The following PRKD1 variants were observed in gnomAD, a reference collection of about 807,000 sequenced individuals.
PRKD1 encodes serine/threonine-protein kinase D1.
In PRKD1, 63 loss-of-function variants were observed where a neutral mutation model predicts 95.9. That is an observed-to-expected ratio of 0.66 (90% confidence interval 0.54 to 0.81). The LOEUF (loss-of-function observed/expected upper bound fraction) is 0.81. Ranked by LOEUF, PRKD1 falls within the 30% of genes least tolerant of loss-of-function variation. The probability of loss-of-function intolerance (pLI) is 0.00; values close to 1 mark genes in which losing one functional copy is unlikely to be tolerated. For missense variants in PRKD1, 1,048 were observed against 1,165.3 expected, an observed-to-expected ratio of 0.90 and a Z score of 1.47; for synonymous variants, 425 against 423.1, an observed-to-expected ratio of 1.00 and a Z score of -0.05.
intron 2 of PRKD1, among the ~76,000 whole-genome samples, chr14:29,712,036 G>A (rs192846430): frequency 1.3e-5 from 2 of 152,242 alleles, no homozygotes; most frequent in Admixed American, 1.3e-4. Context: ...CAAAGCAATT[G>A]CAAACTATCC....
At chr14:29,872,713 T>C (rs1325206732) in intron 1 of PRKD1, among the ~76,000 whole-genome samples, 2 of 152,042 alleles carry the variant, frequency 1.3e-5, no homozygotes, top group Admixed American at 1.3e-4. Context: ...CTTTTCTTTC[T>C]TGCCCTTTAG....
Position 29,880,417 on chromosome 14 carries a change from C to T in PRKD1, c.264+46832G>A, listed in dbSNP as rs548984598. On this transcript the variant is annotated intron_variant, in intron 1 of 17. Transcript: ENST00000331968. ...TCAAGAACTGAGCTTTGGGAACCTC[C>T]GCCTAGATTTCAGAAGATGTATAGA... Among the ~76,000 whole-genome samples the T allele has an allele frequency of 2.6e-5, 4 of 152,260 alleles. No individual in the cohort carries two copies. The East Asian group carries it at 7.7e-4, about 29-fold the overall frequency.
At chr14:29,720,710 G>A (rs920465185) in intron 2 of PRKD1, among the ~76,000 whole-genome samples, 8 of 151,828 alleles carry the variant, frequency 5.3e-5, no homozygotes, top group African/African-American at 1.5e-4. Flanking sequence ...AACCCGGGAG[G>A]TGGAGGTTGC....
intron 1 of PRKD1, among the ~76,000 whole-genome samples, chr14:29,781,355 C>T (rs1437375276): frequency 2.0e-5 from 3 of 152,118 alleles, no homozygotes; most frequent in African/African-American, 2.4e-5. Context: ...CTATAAACAA[C>T]GTCTCAAATT....
intron 3 of PRKD1, among the ~76,000 whole-genome samples, 189 bp from the exon 4 acceptor site, chr14:29,664,048 A>T (rs8010221): frequency 0.091 from 13,878 of 151,974 alleles, 879 homozygotes; most frequent in South Asian, 0.22. Context: ...TTGAATTCTG[A>T]TCTTATTGCA....
chr14:29,763,446 G>A, intron 1 of PRKD1, among the ~76,000 whole-genome samples: 1 of 92,012 alleles, frequency 1.1e-5, no homozygotes, highest in African/African-American at 4.1e-5. Flanking sequence ...GGAGGGGGGA[G>A]GGGAGTGGAA....
chr14:29,633,369 T>C (rs911268687), intron 8 of PRKD1, among the ~76,000 whole-genome samples: 3 of 152,240 alleles, frequency 2.0e-5, no homozygotes, highest in African/African-American at 7.2e-5. Context: ...CCCATGCTGA[T>C]GGAGCCAGGT....
intron 9 of PRKD1, 100 bp downstream of exon 9, chr14:29,632,769 T>C (rs1880099794): frequency 1.3e-5 from 15 of 1,113,002 alleles, no homozygotes; most frequent in Non-Finnish European, 2.0e-5. Flanking sequence ...AGCACAAAAA[T>C]AGCCACGTTT....
At chr14:29,666,548 T>TC (rs1882523346) in intron 2 of PRKD1, among the ~76,000 whole-genome samples, 1 of 152,078 alleles carries the variant, frequency 6.6e-6, no homozygotes, top group South Asian at 2.1e-4. Context: ...TTTTACTTTT[T>TC]CTCTTACTTA....
chr14:29,623,179 T>C (rs1037743102), intron 13 of PRKD1, among the ~76,000 whole-genome samples: 4 of 152,314 alleles, frequency 2.6e-5, no homozygotes, highest in African/African-American at 9.6e-5. Flanking sequence ...CCATTAGTTG[T>C]CCAGAGACAC....
At chr14:29,604,969 A>C (rs916176930) in intron 13 of PRKD1, among the ~76,000 whole-genome samples, 4 of 152,108 alleles carry the variant, frequency 2.6e-5, no homozygotes, top group African/African-American at 9.7e-5. Context: ...ATGGCGAATC[A>C]CCTAGGTCAG....
chr14:29,834,978 G>A lies in PRKD1; in HGVS notation c.264+92271C>T, dbSNP rs78122835. Among the ~76,000 whole-genome samples the A allele has an allele frequency of 8.9e-3, 1,358 of 151,888 alleles. 16 individuals carry two copies. The highest frequency in any genetic ancestry group is 0.024 in the Middle Eastern group (7 of 294). ...GCTAAAGAGACCTGAGTTGCATAGT[G>A]CTGAGACCTGGGTTTTTTTTTCTCT... On this transcript the variant is annotated intron_variant, in intron 1 of 17. Transcript: ENST00000331968.
At chr14:29,882,172 G>C (rs557319398) in intron 1 of PRKD1, among the ~76,000 whole-genome samples, 114 of 152,204 alleles carry the variant, frequency 7.5e-4, no homozygotes, top group African/African-American at 2.5e-3. Context: ...AAGCATTTCT[G>C]CTAAATACAT....
At chr14:29,648,922 G>A (rs1881316730) in intron 4 of PRKD1, among the ~76,000 whole-genome samples, 1 of 152,056 alleles carries the variant, frequency 6.6e-6, no homozygotes, top group African/African-American at 2.4e-5. Flanking sequence ...CCAAAGTGCT[G>A]GGATTACAGG....
rs564331527 is a variant in PRKD1 at position 29,719,880 on chromosome 14, G to A, written c.403+5656C>T. 6.0e-5 allele frequency among the ~76,000 whole-genome samples: 9 copies of A among 151,212 alleles called. No homozygotes were observed. In the East Asian group the frequency reaches 1.8e-3, roughly 29 times the overall value. On this transcript the variant is annotated intron_variant, in intron 2 of 17. Coordinates refer to ENST00000331968, the MANE Select transcript of PRKD1 (RefSeq NM_002742.3). ...TGTAGAGAGTGGCCTGCTGAACCAGGACTCACCAGATGCTCAGAGAGGGGA... is the reference window on the plus strand; with the variant it reads ...TGTAGAGAGTGGCCTGCTGAACCAGAACTCACCAGATGCTCAGAGAGGGGA...
chr14:29,594,181 G>GA (rs1252398004), intron 16 of PRKD1: 1 of 444,390 alleles, frequency 2.3e-6, no homozygotes, highest in Admixed American at 2.5e-5. Flanking sequence ...TACACTAACA[G>GA]AAAAAATACA....
intron 1 of PRKD1, among the ~76,000 whole-genome samples, chr14:29,813,721 G>A (rs1228425085): frequency 6.6e-6 from 1 of 152,154 alleles, no homozygotes; most frequent in African/African-American, 2.4e-5. Flanking sequence ...AACAATGTCA[G>A]CATGCTTGCA....
intron 1 of PRKD1, among the ~76,000 whole-genome samples, chr14:29,909,934 C>G (rs1894644280): frequency 6.6e-6 from 1 of 152,166 alleles, no homozygotes; most frequent in Non-Finnish European, 1.5e-5. Flanking sequence ...ATGCACCAAT[C>G]AGCACCCTGT....
intron 1 of PRKD1, among the ~76,000 whole-genome samples, chr14:29,861,886 T>A (rs2139360502): frequency 6.6e-6 from 1 of 152,276 alleles, no homozygotes; most frequent in Non-Finnish European, 1.5e-5. Flanking sequence ...ACTCCTAACC[T>A]TGTTATCCAC....
Sources: gnomAD v4.1 joint callset for allele counts (sites outside exome capture counted in the v4.1 genomes callset) on GRCh38, gnomAD v4.1.1 for gene constraint, MANE v1.5 for transcripts, NCBI Gene and HGNC (gene_info 2026-07-23, HGNC 2026-07-21) for gene names.